The following ZC3HAV1 variants were observed in gnomAD, a reference collection of about 807,000 sequenced individuals.
ZC3HAV1 encodes the protein zinc finger CCCH-type containing, antiviral 1, also known as zinc finger CCCH-type antiviral protein 1.
In ZC3HAV1, 41 loss-of-function variants were observed where a neutral mutation model predicts 86.6. The observed-to-expected ratio is 0.47, with a 90% confidence interval of 0.37 to 0.61. The LOEUF is 0.61. ZC3HAV1 is among the 20% of genes least tolerant of loss of function. The probability of loss-of-function intolerance (pLI) is 0.00; values close to 1 mark genes in which losing one functional copy is unlikely to be tolerated. For synonymous variants in ZC3HAV1, 421 were observed against 432.1 expected, an observed-to-expected ratio of 0.97 and a Z score of 0.32; for missense variants, 964 against 1,141.1, an observed-to-expected ratio of 0.84 and a Z score of 2.24.
At chr7:139,052,299 T>G (rs1177066045) in intron 12 of ZC3HAV1, among the ~76,000 whole-genome samples, 3 of 106,878 alleles carry the variant, frequency 2.8e-5, no homozygotes, top group Middle Eastern at 8.1e-3. Context: ...CCCTCTGGTT[T>G]GTTTGTTTTT....
Position 139,047,868 on chromosome 7 carries a change from A to C in ZC3HAV1, c.2450-15T>G. 1 of 1,603,582 alleles carries C rather than the reference A, an allele frequency of 6.2e-7. No homozygotes were observed. Among genetic ancestry groups the C allele is most frequent in the South Asian group, 1.1e-5 (1 of 89,614 alleles). ...AAAGTAAATTCCTAGAAAGAATCAGAAAGAAAAGTTAAGAAATATTATAAA... is the reference window on the plus strand; with the variant it reads ...AAAGTAAATTCCTAGAAAGAATCAGCAAGAAAAGTTAAGAAATATTATAAA... On this transcript the variant is annotated splice_polypyrimidine_tract_variant and intron_variant, in intron 12 of 12. Transcript: ENST00000242351.
At chr7:139,106,008 T>C (rs12668397) in intron 1 of ZC3HAV1, among the ~76,000 whole-genome samples, 39,893 of 151,964 alleles carry the variant, frequency 0.26, 5,626 homozygotes, top group East Asian at 0.44. Context: ...TGATATAAAA[T>C]GAAATTAAAA....
At chr7:139,062,017 G>C (rs1816456633) in intron 8 of ZC3HAV1, among the ~76,000 whole-genome samples, 1 of 152,178 alleles carries the variant, frequency 6.6e-6, no homozygotes, top group Non-Finnish European at 1.5e-5. Flanking sequence ...TTCTAGAACA[G>C]GTAAAACAGG....
intron 9 of ZC3HAV1, 110 bp from the exon 10 acceptor site, chr7:139,055,405 A>G (rs1317031476): frequency 3.7e-6 from 3 of 808,594 alleles, no homozygotes; most frequent in Non-Finnish European, 5.8e-6. Flanking sequence ...AATACACAAT[A>G]TTTATTTCTG....
At chr7:139,100,542 AC>A (rs145809315) in intron 1 of ZC3HAV1, among the ~76,000 whole-genome samples, 2 of 130,980 alleles carry the variant, frequency 1.5e-5, no homozygotes, top group African/African-American at 2.5e-5. Flanking sequence ...TCAAAAAAAA[AC>A]AAAAACAAAA....
chr7:139,048,509 G>A (rs1414237023), intron 12 of ZC3HAV1, among the ~76,000 whole-genome samples: 1 of 151,990 alleles, frequency 6.6e-6, no homozygotes, highest in Admixed American at 6.6e-5. Flanking sequence ...AGGAAGCTGA[G>A]GCAGGATTGA....
At position 139,108,752 on chromosome 7, in the gene ZC3HAV1, G is replaced by A. The variant is rs566039074; in HGVS notation, c.308+272C>T. Among the ~76,000 whole-genome samples, 131 of 152,354 alleles carry A rather than the reference G, an allele frequency of 8.6e-4. 4 individuals are homozygous for A. The highest frequency in any genetic ancestry group is 8.6e-3 in the Admixed American group (131 of 15,304). ...GATTCGTGCGGGCGGGCGGGGAAAG[G>A]GGTGGAGGTTGAGCCTGGTCTCCTC... On this transcript the variant is annotated intron_variant, in intron 1 of 12. Transcript: ENST00000242351. This position sits in a 1 kb window ranked among gnomAD's most constrained non-coding sequence, Gnocchi z 4.2.
At chr7:139,048,163 G>T (rs1048652975) in intron 12 of ZC3HAV1, among the ~76,000 whole-genome samples, 1 of 152,224 alleles carries the variant, frequency 6.6e-6, no homozygotes, top group South Asian at 2.1e-4. Context: ...AATTCACCCA[G>T]TGTGAGCTGA....
intron 9 of ZC3HAV1, among the ~76,000 whole-genome samples, chr7:139,059,099 T>C (rs1816374018): frequency 6.6e-6 from 1 of 152,176 alleles, no homozygotes; most frequent in Admixed American, 6.5e-5. Context: ...GTAACGATTG[T>C]AACGAATGGA....
chr7:139,076,353 T>C lies in ZC3HAV1; in HGVS notation c.1630A>G (p.Lys544Glu), dbSNP rs376190046. The change falls in exon 6 of 13, where the codon AAA (lysine) becomes GAA (glutamate). Residue 544 changes from lysine (K) to glutamate (E), a missense_variant. By Grantham distance (56) the Lys-to-Glu change is moderately conservative. Transcript: ENST00000242351. ...LPYRWQMLIG[K>E]TWTDFEHMET... ...ATGTGCTCAAAGTCCGTCCAGGTTT[T>C]ACCAATAAGCATCTGCCACCGGTAA... 63 of 1,614,032 alleles carry C rather than the reference T, an allele frequency of 3.9e-5. No individual in the cohort carries two copies. The highest frequency in any genetic ancestry group is 5.3e-5 in the Non-Finnish European group (62 of 1,180,024).
chr7:139,091,865 G>A (rs1242251198), intron 1 of ZC3HAV1, among the ~76,000 whole-genome samples: 1 of 152,152 alleles, frequency 6.6e-6, no homozygotes, highest in Non-Finnish European at 1.5e-5. Context: ...GATATATTTA[G>A]CTGTTGTACT....
In ZC3HAV1 at chr7:139,070,356, G is replaced by A. The variant is rs573162815; in HGVS notation, c.1872+3500C>T. Reference sequence around the variant, plus strand: ...GCTAACACAGACTAAATGTCCCAGCGAGAACTTTGTATTAAAAACCTCAGG... The same window carrying A: ...GCTAACACAGACTAAATGTCCCAGCAAGAACTTTGTATTAAAAACCTCAGG... On this transcript the variant is annotated intron_variant, in intron 7 of 12. Transcript: ENST00000242351. 1.2e-4 allele frequency among the ~76,000 whole-genome samples: 18 copies of A among 152,176 alleles called. No individual in the cohort carries two copies. In the South Asian group the frequency reaches 2.3e-3, roughly 19 times the overall value.
rs1214039926 is a variant in ZC3HAV1, at chr7:139,097,414, A to ATTT, written c.309-7656_309-7655insAAA. On this transcript the variant is annotated intron_variant, in intron 1 of 12. Coordinates refer to ENST00000242351, the MANE Select transcript of ZC3HAV1 (RefSeq NM_020119.4). The stretch of plus-strand genomic sequence containing the variant: ...ATATTGGAACTCCATATATATATAT[A>ATTT]TATATATATATATATTTTTTTTTTT... Among the ~76,000 whole-genome samples, 46 of 75,596 alleles carry ATTT rather than the reference A, an allele frequency of 6.1e-4. 1 individual carries two copies. The highest frequency in any genetic ancestry group is 1.3e-3 in the Admixed American group (10 of 7,706). The allele number at this position is 75,596 out of a possible 152,430, so 49.6% of individuals were successfully genotyped here.
intron 1 of ZC3HAV1, among the ~76,000 whole-genome samples, chr7:139,106,351 G>T (rs1817935562): frequency 6.6e-6 from 1 of 152,202 alleles, no homozygotes; most frequent in African/African-American, 2.4e-5. Flanking sequence ...AGTGGCTCAG[G>T]CCTGTAATCC....
In ZC3HAV1 at chr7:139,109,239, C is replaced by T; in HGVS notation, c.93G>A (p.Ala31=). The T allele has an allele frequency of 1.2e-6, 2 of 1,611,630 alleles. No individual in the cohort carries two copies. The highest frequency in any genetic ancestry group is 1.3e-5 in the African/African-American group (1 of 75,012). The change falls in exon 1 of 13, where the codon GCG becomes GCA. Residue 31 remains alanine (A), a synonymous_variant. Coordinates refer to ENST00000242351, the MANE Select transcript of ZC3HAV1 (RefSeq NM_020119.4). ...CCTCACAGAGCTGCGGCTCAGACAG[C>T]GCGATCTCCTGGAGCAGCGCGTCCA... is the stretch of plus-strand genomic sequence containing the variant. The part of the protein sequence containing the change: ...MALDALLQEI[A]LSEPQLCEVL...
Position 139,080,114 on chromosome 7 carries a change from G to C in ZC3HAV1, c.827C>G (p.Pro276Arg), listed in dbSNP as rs541917698. 2 of 1,614,196 alleles carry C rather than the reference G, an allele frequency of 1.2e-6. No homozygotes were observed. Among genetic ancestry groups the C allele is most frequent in the South Asian group, 2.2e-5 (2 of 91,086 alleles). ...GGAAGCCCTGTGGCTGATCTGATCT[G>C]GACTAGGTGTGCAGGACCTCTCAGC... ...ASAERSCTPS[P>R]DQISHRASLE... The change falls in exon 4 of 13, where the codon CCA becomes CGA. Residue 276 changes from proline to arginine, a missense_variant. By Grantham distance (103) the Pro-to-Arg change is moderately radical. Transcript: ENST00000242351.
At chr7:139,066,798 A>G (rs1320756981) in intron 7 of ZC3HAV1, among the ~76,000 whole-genome samples, 2 of 152,120 alleles carry the variant, frequency 1.3e-5, no homozygotes, top group Admixed American at 6.6e-5. Flanking sequence ...CCATCCCTAC[A>G]GTTGAAGTCC....
intron 9 of ZC3HAV1, among the ~76,000 whole-genome samples, chr7:139,059,614 C>CAA (rs57613588): frequency 7.7e-4 from 85 of 110,122 alleles, no homozygotes; most frequent in Non-Finnish European, 1.1e-3. Context: ...AAGACTCTGT[C>CAA]AAAAAAAAAA....
At chr7:139,106,431 C>A (rs1465099437) in intron 1 of ZC3HAV1, among the ~76,000 whole-genome samples, 1 of 151,938 alleles carries the variant, frequency 6.6e-6, no homozygotes, top group Non-Finnish European at 1.5e-5. Flanking sequence ...TGGCCAACAT[C>A]GCGAAACCCC....
Sources: gnomAD v4.1 joint callset for allele counts (sites outside exome capture counted in the v4.1 genomes callset) on GRCh38, gnomAD v4.1.1 for gene constraint, Gnocchi (gnomAD v3.1) non-coding constraint, MANE v1.5 for transcripts, NCBI Gene and HGNC (gene_info 2026-07-23, HGNC 2026-07-21) for gene names.